The following TFRC variants were observed in gnomAD, a reference collection of about 807,000 sequenced individuals.
TFRC encodes the protein transferrin receptor protein 1.
Under a neutral mutation model 85.8 loss-of-function variants are expected in TFRC, and 35 were observed. That is an observed-to-expected ratio of 0.41 (90% CI 0.31 to 0.54). The LOEUF is 0.54. Among genes scored for constraint, TFRC ranks in the 20% least tolerant of loss-of-function variants. The probability of loss-of-function intolerance (pLI) is 0.31; values close to 1 mark genes in which losing one functional copy is unlikely to be tolerated. For missense variants in TFRC, 828 were observed against 921.5 expected (o/e 0.90, Z 1.31); for synonymous variants, 362 against 328.6 (o/e 1.10, Z -1.10).
rs376548951 is a variant in TFRC, at chr3:196,052,108, G to C, written c.2117C>G (p.Ser706Cys). ...CTCCAGTAAAGCTGGCAGCGTGTGA[G>C]AGCCGGAGCCCCAGAAGACATGTCG... is the stretch of plus-strand genomic sequence containing the variant. ...PFRHVFWGSG[S>C]HTLPALLENL... Residue 706 changes from serine (S) to cysteine (C), a missense_variant, in exon 19 of 19, where the codon TCT becomes TGT. Physicochemically the swap from Ser to Cys is moderately radical, Grantham distance 112. Coordinates refer to ENST00000360110, the MANE Select transcript of TFRC (RefSeq NM_001128148.3). 8.7e-6 allele frequency: 14 copies of C among 1,613,992 alleles called. No individual in the cohort carries two copies. Among genetic ancestry groups the C allele is most frequent in the Non-Finnish European group, 1.1e-5 (13 of 1,180,034 alleles).
Position 196,073,209 on chromosome 3 carries a change from A to G in TFRC, c.434+721T>C, listed in dbSNP as rs562192666. ...CACTCCAGCCTGGGCAACACGTAAG[A>G]CTCCATCTCAAAATAAATAAGTAAA... On this transcript the variant is annotated intron_variant, in intron 4 of 18. Transcript: ENST00000360110. Among the ~76,000 whole-genome samples the G allele has an allele frequency of 2.0e-5, 3 of 150,978 alleles. No individual in the cohort carries two copies. The South Asian group carries it at 6.3e-4, about 32-fold the overall frequency.
chr3:196,051,061 CAATA>C lies in TFRC; in HGVS notation c.*877_*880del, dbSNP rs1697506332. 2 of 211,564 alleles carry C rather than the reference CAATA, an allele frequency of 9.5e-6. No homozygotes were observed. The highest frequency in any genetic ancestry group is 7.1e-5 in the East Asian group (1 of 14,012). 13.1% of individuals were successfully genotyped at this position (211,564 alleles called of 1,614,324 possible). A position where few individuals can be genotyped will look rare whatever the true frequency, so the allele number is the denominator to read the frequency against. On this transcript the variant is annotated 3_prime_UTR_variant, in exon 19 of 19. Transcript: ENST00000360110. ...GTGAACTCTGTCACTGATAAATAAA[CAATA>C]AATATCTCAGTGCCAAAAGGACAGA...
At chr3:196,071,520 A>C in intron 5 of TFRC, 22 bp from the exon 6 acceptor site, 1 of 1,609,300 alleles carries the variant, frequency 6.2e-7, no homozygotes, top group Non-Finnish European at 8.5e-7. Context: ...ATTAAGTTAA[A>C]ATAAGCCTAA....
Position 196,051,849 on chromosome 3 carries a change from G to A in TFRC, c.*93C>T. On this transcript the variant is annotated 3_prime_UTR_variant, in exon 19 of 19. Transcript: ENST00000360110. Reference sequence around the variant, plus strand: ...ATGATGGGATGGAATTTTAACATCAGGTTTTGTAGCCCTACTGAAAATTTA... The same window carrying A: ...ATGATGGGATGGAATTTTAACATCAAGTTTTGTAGCCCTACTGAAAATTTA... The A allele has an allele frequency of 6.8e-7, 1 of 1,461,954 alleles. No individual in the cohort carries two copies. Among genetic ancestry groups the A allele is most frequent in the Non-Finnish European group, 9.3e-7 (1 of 1,078,042 alleles). The allele number at this position is 1,461,954 out of a possible 1,614,324, so 90.6% of individuals were successfully genotyped here.
At chr3:196,060,376 C>G (rs1267162087) in intron 13 of TFRC, 129 bp from the exon 14 acceptor site, 1 of 763,968 alleles carries the variant, frequency 1.3e-6, no homozygotes, top group African/African-American at 1.8e-5. Flanking sequence ...AACAACTATC[C>G]CATTCATCAA....
At position 196,067,592 on chromosome 3, in the gene TFRC, T is replaced by A; in HGVS notation, c.966A>T (p.Pro322=). The change falls in exon 9 of 19, where the codon CCA becomes CCT. Residue 322 remains proline, a synonymous_variant. Transcript: ENST00000360110. ...TAGGCAATCCTGATGACCGAGATGG[T>A]GGAAACTGAGTGTGATTGAAGGAAG... ...GFPSFNHTQF[P]PSRSSGLPNI... is the part of the protein sequence containing the mutation. 1.9e-6 allele frequency: 3 copies of A among 1,614,078 alleles called. No homozygotes were observed. Among genetic ancestry groups the A allele is most frequent in the Non-Finnish European group, 2.5e-6 (3 of 1,180,010 alleles).
chr3:196,081,475 G>A (rs1719170775), intron 1 of TFRC, among the ~76,000 whole-genome samples: 1 of 152,202 alleles, frequency 6.6e-6, no homozygotes, highest in African/African-American at 2.4e-5. Context: ...CCCGGAGCCC[G>A]GGGAACCGAA....
intron 16 of TFRC, among the ~76,000 whole-genome samples, chr3:196,056,171 C>T (rs533407733): frequency 4.6e-5 from 7 of 150,554 alleles, no homozygotes; most frequent in African/African-American, 1.7e-4. Flanking sequence ...GGAGTTGGGA[C>T]TACAGCTGGC....
chr3:196,077,071 G>C lies in TFRC; in HGVS notation c.29C>G (p.Ser10Cys). Residue 10 changes from serine (S) to cysteine (C), a missense_variant, in exon 2 of 19, where the codon TCT becomes TGT. Coordinates refer to ENST00000360110, the MANE Select transcript of TFRC (RefSeq NM_001128148.3). The part of the protein sequence containing the change: MMDQARSAF[S>C]NLFGGEPLSY... ...CAACTGAAAATATCTTACCAAGTTA[G>C]AGAATGCTGATCTAGCTTGATCCAT... The C allele has an allele frequency of 6.2e-7, 1 of 1,613,714 alleles. No individual in the cohort carries two copies. The highest frequency in any genetic ancestry group is 1.7e-5 in the Admixed American group (1 of 59,992).
At position 196,053,703 on chromosome 3, in the gene TFRC, G is replaced by A. The variant is rs41298065; in HGVS notation, c.1900-145C>T. ...AGACTCCGAAAGCACCTTGCACAGGGGTTCCAAGCTCTATGGACTGTGATA... is the reference window on the plus strand; with the variant it reads ...AGACTCCGAAAGCACCTTGCACAGGAGTTCCAAGCTCTATGGACTGTGATA... On this transcript the variant is annotated intron_variant, in intron 17 of 18. Coordinates refer to ENST00000360110, the MANE Select transcript of TFRC (RefSeq NM_001128148.3). 6.5e-4 allele frequency: 585 copies of A among 903,354 alleles called. 2 individuals carry two copies. In the African/African-American group the frequency reaches 9.1e-3, roughly 14 times the overall value. 56.0% of individuals were successfully genotyped at this position (903,354 alleles called of 1,614,324 possible).
intron 17 of TFRC, among the ~76,000 whole-genome samples, chr3:196,054,350 A>C (rs576345044): frequency 3.3e-5 from 5 of 152,182 alleles, no homozygotes; most frequent in Non-Finnish European, 7.4e-5. Flanking sequence ...GGTTGCAGTG[A>C]GCCGAGATCA....
chr3:196,059,220 A>G (rs564910773), intron 14 of TFRC, among the ~76,000 whole-genome samples: 1 of 152,278 alleles, frequency 6.6e-6, no homozygotes, highest in African/African-American at 2.4e-5. Context: ...AGGCTGAGGC[A>G]GGAGAATCGC....
chr3:196,061,216 G>A (rs1313748308), intron 13 of TFRC, among the ~76,000 whole-genome samples: 1 of 152,078 alleles, frequency 6.6e-6, no homozygotes, highest in Non-Finnish European at 1.5e-5. Context: ...AACTCTTCTA[G>A]AAGTTTCATT....
intron 17 of TFRC, 91 bp from the exon 18 acceptor site, chr3:196,053,649 C>A: frequency 6.6e-7 from 1 of 1,521,294 alleles, no homozygotes; most frequent in South Asian, 1.2e-5. Flanking sequence ...AAGTAAGATT[C>A]TGATAAAAGG....
chr3:196,067,433 T>C (rs893680293), intron 9 of TFRC, 85 bp downstream of exon 9: 16 of 1,397,586 alleles, frequency 1.1e-5, no homozygotes, highest in Non-Finnish European at 1.5e-5. Context: ...ATTATCATCA[T>C]GTTTAACATT....
intron 16 of TFRC, among the ~76,000 whole-genome samples, chr3:196,057,346 C>T (rs1032003124): frequency 3.3e-5 from 5 of 152,092 alleles, no homozygotes; most frequent in African/African-American, 9.7e-5. Flanking sequence ...TCACGTACCC[C>T]CTGCTTGCCC....
intron 6 of TFRC, among the ~76,000 whole-genome samples, chr3:196,070,116 C>T (rs1416181635): frequency 6.6e-6 from 1 of 152,156 alleles, no homozygotes; most frequent in Admixed American, 6.5e-5. Flanking sequence ...TGTTCTTTAA[C>T]AGAACAACCT....
intron 4 of TFRC, 144 bp from the exon 5 acceptor site, chr3:196,072,296 G>T: frequency 8.8e-7 from 1 of 1,139,838 alleles, no homozygotes; most frequent in Non-Finnish European, 1.2e-6. Flanking sequence ...CTTCTAGACT[G>T]ACCAGAATAT....
intron 1 of TFRC, among the ~76,000 whole-genome samples, chr3:196,077,810 A>G (rs1351802355): frequency 6.6e-6 from 1 of 152,114 alleles, no homozygotes; most frequent in African/African-American, 2.4e-5. Context: ...GGCAGACAAG[A>G]CCAGTTATGC....
Sources: allele counts gnomAD v4.1 joint callset (sites outside exome capture counted in the v4.1 genomes callset), GRCh38; gene constraint gnomAD v4.1.1; transcripts MANE v1.5; gene names NCBI Gene and HGNC (gene_info 2026-07-23, HGNC 2026-07-21).